CHFR: variants seen among roughly 807,000 people sequenced by gnomAD.
The protein encoded by CHFR is checkpoint with forkhead and ring finger domains, also known as E3 ubiquitin-protein ligase CHFR.
Under a neutral mutation model 87.6 loss-of-function variants are expected in CHFR, and 57 were observed. The observed-to-expected ratio is 0.65, with a 90% CI of 0.53 to 0.81. CHFR has a LOEUF of 0.81. Among genes scored for constraint, CHFR ranks in the 30% least tolerant of loss-of-function variants. The probability of loss-of-function intolerance (pLI) is 0.00; values close to 1 mark genes in which losing one functional copy is unlikely to be tolerated. For missense variants in CHFR, 797 were observed against 865.8 expected (o/e 0.92, Z 1.00); for synonymous variants, 381 against 359.2 (o/e 1.06, Z -0.69).
At chr12:132,871,255 C>T (rs1951481510) in intron 4 of CHFR, among the ~76,000 whole-genome samples, 1 of 151,916 alleles carries the variant, frequency 6.6e-6, no homozygotes, top group African/African-American at 2.4e-5. Flanking sequence ...AGTTCGAGAC[C>T]AGCCTGGCCA....
intron 3 of CHFR, among the ~76,000 whole-genome samples, chr12:132,877,308 A>G (rs1265118126): frequency 6.6e-6 from 1 of 152,182 alleles, no homozygotes; most frequent in Non-Finnish European, 1.5e-5. Context: ...AGTAGGCTAC[A>G]CCATCTAGGT....
intron 3 of CHFR, among the ~76,000 whole-genome samples, chr12:132,873,838 A>C (rs1210248860): frequency 6.6e-6 from 1 of 152,186 alleles, no homozygotes; most frequent in African/African-American, 2.4e-5. Context: ...TTCTTTCCAA[A>C]CAAAAATCTG....
In CHFR at chr12:132,869,678, G is replaced by A. The variant is rs1951439655; in HGVS notation, c.524C>T (p.Thr175Ile). Residue 175 changes from threonine to isoleucine, a missense_variant, in exon 6 of 18, where the codon ACA becomes ATA. By Grantham distance (89) the Thr-to-Ile change is moderately conservative. This residue lies in a region of CHFR where 597 missense variants were observed against 601.2 expected (regional missense o/e 0.99). Transcript: ENST00000450056. ...PSTSTSDLFP[T>I]ASASSTEPSP... ...AGGCTCCGTGGAAGAGGCCGAGGCT[G>A]TGGGGAAGAGGTCTGACGTCGATGT... The A allele has an allele frequency of 6.4e-7, 1 of 1,551,640 alleles. No individual in the cohort carries two copies. The highest frequency in any genetic ancestry group is 2.0e-5 in the Admixed American group (1 of 50,992).
rs536151635 is a variant in CHFR at position 132,847,104 on chromosome 12, T to C, written c.1674A>G (p.Thr558=). 1.7e-5 allele frequency: 27 copies of C among 1,613,818 alleles called. No individual in the cohort carries two copies. The highest frequency in any genetic ancestry group is 1.6e-4 in the African/African-American group (12 of 75,024). ...GGCTCTCGGTCAACATGTTTTTCCA[T>C]GTCAAACCTCTGGTTGCCAGGTAAT... ...LKNYLATRGL[T]WKNMLTESLV... Residue 558 remains threonine (T), a synonymous_variant, in exon 15 of 18, where the codon ACA becomes ACG. Coordinates refer to ENST00000450056, the MANE Select transcript of CHFR (RefSeq NM_001161346.2).
At chr12:132,851,546 A>G (rs1950944699) in intron 12 of CHFR, 72 bp downstream of exon 12, 1 of 1,498,686 alleles carries the variant, frequency 6.7e-7, no homozygotes, top group East Asian at 2.4e-5. Context: ...CCCTAAGGCC[A>G]ACACCGCTTT....
chr12:132,864,469 G>A (rs1036718943), intron 6 of CHFR, among the ~76,000 whole-genome samples: 1 of 110,518 alleles, frequency 9.0e-6, no homozygotes, highest in African/African-American at 2.6e-5. Flanking sequence ...CATACAGATA[G>A]AAGAATTTTT....
intron 6 of CHFR, among the ~76,000 whole-genome samples, chr12:132,868,516 A>C: frequency 6.6e-6 from 1 of 151,398 alleles, no homozygotes. Flanking sequence ...CAAACAAACA[A>C]AAAACAAAAA....
intron 10 of CHFR, 98 bp from the exon 11 acceptor site, chr12:132,853,671 C>A: frequency 7.4e-7 from 1 of 1,354,716 alleles, no homozygotes; most frequent in Admixed American, 3.3e-5. Context: ...TCAGCTCCAC[C>A]GTCGCTCAGC....
chr12:132,887,172 C>T (rs1951917767), intron 2 of CHFR, 24 bp downstream of exon 2: 6 of 1,463,624 alleles, frequency 4.1e-6, no homozygotes, highest in Non-Finnish European at 3.6e-6. Flanking sequence ...GCCCCGGCCC[C>T]CGGCCCCGGC....
chr12:132,851,455 T>G (rs576197652), intron 12 of CHFR, among the ~76,000 whole-genome samples, 163 bp downstream of exon 12: 1 of 151,944 alleles, frequency 6.6e-6, no homozygotes, highest in Non-Finnish European at 1.5e-5. Context: ...TGGGAAAAGA[T>G]AGATTATTCA....
At chr12:132,854,038 G>A (rs1951008664) in intron 10 of CHFR, 1 of 154,630 alleles carries the variant, frequency 6.5e-6, no homozygotes, top group Non-Finnish European at 1.4e-5. Context: ...CCAAAAACGA[G>A]CAGATAAAAA....
intron 4 of CHFR, among the ~76,000 whole-genome samples, chr12:132,871,642 G>A (rs1025028730): frequency 2.7e-5 from 4 of 148,922 alleles, no homozygotes; most frequent in Admixed American, 1.3e-4. Context: ...CGTGGTGGTG[G>A]GCACCTATAA....
At chr12:132,887,370 A>G in intron 1 of CHFR, 30 bp from the exon 2 acceptor site, 2 of 1,281,836 alleles carry the variant, frequency 1.6e-6, no homozygotes, top group South Asian at 2.3e-5. Context: ...GCCCATGGAG[A>G]CTCCCGACCC....
chr12:132,870,242 C>T (rs1259434768), intron 5 of CHFR, among the ~76,000 whole-genome samples: 1 of 152,092 alleles, frequency 6.6e-6, no homozygotes, highest in Non-Finnish European at 1.5e-5. Flanking sequence ...GTCCCAGCTA[C>T]TCGGGAGGCT....
chr12:132,834,161 C>G lies in CHFR; in HGVS notation c.*7393G>C, dbSNP rs1330219174. 1 of 152,306 alleles carries G rather than the reference C, an allele frequency of 6.6e-6. No homozygotes were observed. The highest frequency in any genetic ancestry group is 2.4e-5 in the African/African-American group (1 of 41,416). 9.4% of individuals were successfully genotyped at this position (152,306 alleles called of 1,614,324 possible). A position where few individuals can be genotyped will look rare whatever the true frequency, so the allele number is the denominator to read the frequency against. On this transcript the variant is annotated 3_prime_UTR_variant, in exon 18 of 18. Coordinates refer to ENST00000450056, the MANE Select transcript of CHFR (RefSeq NM_001161346.2). Reference sequence around the variant, plus strand: ...AGGTCTGCCGGGCGTACGTGGTGGGCCTGGGGTCCCCACTGGAAACAGCTC... The same window carrying G: ...AGGTCTGCCGGGCGTACGTGGTGGGGCTGGGGTCCCCACTGGAAACAGCTC...
At position 132,836,963 on chromosome 12, in the gene CHFR, C is replaced by G. The variant is rs1950652301; in HGVS notation, c.*4591G>C. On this transcript the variant is annotated 3_prime_UTR_variant, in exon 18 of 18. Coordinates refer to ENST00000450056, the MANE Select transcript of CHFR (RefSeq NM_001161346.2). ...GAGACAAACGGTAAACAGATGTTTC[C>G]TTTCCGATAGTGACAGGTGCTGGGG... The G allele has an allele frequency of 1.6e-5, 6 of 363,640 alleles. No individual in the cohort carries two copies. The highest frequency in any genetic ancestry group is 1.2e-4 in the South Asian group (6 of 48,806). 22.5% of individuals were successfully genotyped at this position (363,640 alleles called of 1,614,324 possible).
In CHFR at chr12:132,862,465, G is replaced by A. The variant is rs1001490052; in HGVS notation, c.584-831C>T. On this transcript the variant is annotated intron_variant, in intron 6 of 17. Transcript: ENST00000450056. The stretch of plus-strand genomic sequence containing the variant: ...AAAAAGAAAAAAAAATTAACTAGGC[G>A]TGACAGTACGAGCATATGGTCCCAG... 6.2e-5 allele frequency: 28 copies of A among 448,616 alleles called. 1 individual carries two copies. The Middle Eastern group carries it at 1.0e-3, about 16-fold the overall frequency. 27.8% of individuals were successfully genotyped at this position (448,616 alleles called of 1,614,324 possible). A position where few individuals can be genotyped will look rare whatever the true frequency, so the allele number is the denominator to read the frequency against.
In CHFR at chr12:132,869,702, G is replaced by A. The variant is rs959491929; in HGVS notation, c.500C>T (p.Thr167Ile). The change falls in exon 6 of 18, where the codon ACA becomes ATA. Residue 167 changes from threonine to isoleucine, a missense_variant. Transcript: ENST00000450056. ...TGTGGGGAAGAGGTCTGACGTCGATGTTGATGGCTGTGGTTCCTCAAAGCA... is the reference window on the plus strand; with the variant it reads ...TGTGGGGAAGAGGTCTGACGTCGATATTGATGGCTGTGGTTCCTCAAAGCA... Reference protein sequence around the residue: ...QVCFEEPQPSTSTSDLFPTAS... With the variant: ...QVCFEEPQPSISTSDLFPTAS... 1.2e-5 allele frequency: 19 copies of A among 1,551,756 alleles called. No individual in the cohort carries two copies. Among genetic ancestry groups the A allele is most frequent in the Non-Finnish European group, 1.3e-5 (15 of 1,147,014 alleles).
At chr12:132,858,744 AAAAAAAAAAAG>A (rs1340614127) in intron 8 of CHFR, among the ~76,000 whole-genome samples, 7 of 149,942 alleles carry the variant, frequency 4.7e-5, no homozygotes, top group African/African-American at 1.7e-4. Context: ...AAAAAAAAAA[AAAAAAAAAAAG>A]GAATAAAAAA....
Sources: allele counts gnomAD v4.1 joint callset (sites outside exome capture counted in the v4.1 genomes callset), GRCh38; gene constraint gnomAD v4.1.1; regional missense constraint gnomAD v4.1.1; transcripts MANE v1.5; gene names NCBI Gene and HGNC (gene_info 2026-07-23, HGNC 2026-07-21).